Variants in SOX6 observed in about 807,000 individuals in gnomAD.
The protein encoded by SOX6 is transcription factor SOX-6.
A neutral mutation model predicts 97.8 loss-of-function variants in SOX6; 11 were observed. The observed-to-expected ratio is 0.11, with a 90% CI of 0.07 to 0.19. SOX6 has a LOEUF of 0.19. SOX6 is among the 10% of genes least tolerant of loss of function. The probability of loss-of-function intolerance (pLI) is 1.00; values close to 1 mark genes in which losing one functional copy is unlikely to be tolerated. For synonymous variants in SOX6, 360 were observed against 371.4 expected, an observed-to-expected ratio of 0.97 and a Z score of 0.35; for missense variants, 810 against 1,039.5, an observed-to-expected ratio of 0.78 and a Z score of 3.04.
intron 4 of SOX6, among the ~76,000 whole-genome samples, chr11:16,216,508 G>A (rs1852376937): frequency 6.6e-6 from 1 of 151,916 alleles, no homozygotes; most frequent in African/African-American, 2.4e-5. Flanking sequence ...AGAGAGGAAA[G>A]GGCATTTTTT....
intron 3 of SOX6, among the ~76,000 whole-genome samples, chr11:16,673,922 G>A (rs1169769547): frequency 6.6e-6 from 1 of 152,114 alleles, no homozygotes; most frequent in Non-Finnish European, 1.5e-5. Flanking sequence ...GGGCGTGGTG[G>A]CTCATGCCTG....
intron 4 of SOX6, among the ~76,000 whole-genome samples, chr11:16,591,328 T>G (rs545862756): frequency 3.9e-5 from 3 of 76,936 alleles, no homozygotes; most frequent in African/African-American, 1.5e-4. Flanking sequence ...CATAGATAGA[T>G]AGATAGATAG....
chr11:16,514,316 A>G (rs149079637), intron 4 of SOX6, among the ~76,000 whole-genome samples: 111 of 152,128 alleles, frequency 7.3e-4, no homozygotes, highest in African/African-American at 2.6e-3. Context: ...GTTATCTGTG[A>G]TATCTATGCA....
chr11:16,275,653 A>G (rs1051609885), intron 3 of SOX6, among the ~76,000 whole-genome samples: 23 of 152,206 alleles, frequency 1.5e-4, no homozygotes, highest in Admixed American at 9.8e-4. Flanking sequence ...AAGCATAGGT[A>G]TTTTAGAGAA....
intron 12 of SOX6, among the ~76,000 whole-genome samples, chr11:16,017,680 G>A (rs996082346): frequency 7.2e-5 from 11 of 152,012 alleles, no homozygotes; most frequent in African/African-American, 2.2e-4. Flanking sequence ...ATGTGGACAT[G>A]GGCACAGAGA....
At position 16,022,323 on chromosome 11, in the gene SOX6, C is replaced by CTTCT. The variant is rs1286614156; in HGVS notation, c.1624-7274_1624-7273insAGAA. On this transcript the variant is annotated intron_variant, in intron 12 of 15. Coordinates refer to ENST00000683767, the MANE Select transcript of SOX6 (RefSeq NM_001367873.1). ...TGCTTTGTTTTTCCTTCCTTCCTTC[C>CTTCT]TTCCTTCTTTCCTTCCTTCCTTCCT... 5.2e-4 allele frequency among the ~76,000 whole-genome samples: 71 copies of CTTCT among 135,872 alleles called. No individual in the cohort carries two copies. In the Middle Eastern group the frequency reaches 0.031, roughly 59 times the overall value. 89.1% of individuals were successfully genotyped at this position (135,872 alleles called of 152,430 possible). A position where few individuals can be genotyped will look rare whatever the true frequency, so the allele number is the denominator to read the frequency against.
intron 6 of SOX6, among the ~76,000 whole-genome samples, chr11:16,161,569 G>A (rs1850750010): frequency 6.6e-6 from 1 of 152,066 alleles, no homozygotes; most frequent in African/African-American, 2.4e-5. Context: ...GTGGGATTCT[G>A]AACAGACAAA....
chr11:16,651,252 A>G (rs1359464192), intron 3 of SOX6, among the ~76,000 whole-genome samples: 1 of 152,082 alleles, frequency 6.6e-6, no homozygotes, highest in Non-Finnish European at 1.5e-5. Context: ...GAAAGAGGGG[A>G]TCTTCCCTAA....
At chr11:16,466,650 G>A (rs951395037) in intron 1 of SOX6, among the ~76,000 whole-genome samples, 1 of 150,978 alleles carries the variant, frequency 6.6e-6, no homozygotes, top group Admixed American at 6.6e-5. Context: ...AACAACTCCG[G>A]CCGGGCGCGG....
intron 6 of SOX6, among the ~76,000 whole-genome samples, chr11:16,125,816 TAGGA>T (rs3085337): frequency 0.17 from 16,615 of 99,522 alleles, 1,378 homozygotes; most frequent in East Asian, 0.23. Context: ...AAAGAAATCA[TAGGA>T]AGGAAGGAAG....
chr11:16,065,923 C>A (rs1342088077), intron 9 of SOX6, among the ~76,000 whole-genome samples: 1 of 151,994 alleles, frequency 6.6e-6, no homozygotes, highest in East Asian at 1.9e-4. Context: ...AGAATCAAAC[C>A]AAGTTAAAAA....
intron 4 of SOX6, among the ~76,000 whole-genome samples, chr11:16,590,132 A>T (rs1160536800): frequency 6.6e-6 from 1 of 152,216 alleles, no homozygotes; most frequent in African/African-American, 2.4e-5. Flanking sequence ...CTGGCATTGT[A>T]TAGGTGGTAC....
At chr11:16,586,640 A>G (rs1848097235) in intron 4 of SOX6, among the ~76,000 whole-genome samples, 1 of 152,174 alleles carries the variant, frequency 6.6e-6, no homozygotes. Flanking sequence ...GAATCCTTTG[A>G]GCCCAAGAGT....
At chr11:16,710,780 T>G (rs981444618) in intron 3 of SOX6, among the ~76,000 whole-genome samples, 1 of 152,236 alleles carries the variant, frequency 6.6e-6, no homozygotes, top group African/African-American at 2.4e-5. Context: ...GCCACGACTT[T>G]TGTGAGCTTC....
At chr11:16,123,762 T>A (rs972795217) in intron 6 of SOX6, among the ~76,000 whole-genome samples, 7 of 152,076 alleles carry the variant, frequency 4.6e-5, no homozygotes, top group Non-Finnish European at 8.8e-5. Context: ...TAAGCTAACA[T>A]GCTGATTTTT....
At chr11:16,337,985 G>C (rs1215316239) in intron 2 of SOX6, among the ~76,000 whole-genome samples, 1 of 151,908 alleles carries the variant, frequency 6.6e-6, no homozygotes, top group Non-Finnish European at 1.5e-5. Flanking sequence ...CACCTTCTCT[G>C]ACAGAAAACT....
intron 9 of SOX6, among the ~76,000 whole-genome samples, chr11:16,085,113 G>C (rs1051657412): frequency 6.6e-6 from 1 of 152,104 alleles, no homozygotes; most frequent in Non-Finnish European, 1.5e-5. Flanking sequence ...TACACATTAT[G>C]AATGTACTGC....
intron 4 of SOX6, among the ~76,000 whole-genome samples, chr11:16,209,457 C>A (rs1160329188): frequency 5.3e-5 from 8 of 152,024 alleles, no homozygotes; most frequent in African/African-American, 1.9e-4. Flanking sequence ...TGTAAATGAT[C>A]CTCAAAAATA....
chr11:16,040,381 G>A (rs998871384), intron 12 of SOX6, among the ~76,000 whole-genome samples: 3 of 151,884 alleles, frequency 2.0e-5, no homozygotes, highest in African/African-American at 7.2e-5. Context: ...ACAACAGAAA[G>A]AAAAAGAACT....
Sources: allele counts gnomAD v4.1 joint callset (sites outside exome capture counted in the v4.1 genomes callset), GRCh38; gene constraint gnomAD v4.1.1; transcripts MANE v1.5; gene names NCBI Gene and HGNC (gene_info 2026-07-23, HGNC 2026-07-21).